The following SLC41A3 variants were observed in gnomAD, a reference collection of about 807,000 sequenced individuals.
The protein encoded by SLC41A3 is SLC41A1-like 2.
SLC41A3 carries 44 observed loss-of-function variants against 45.4 expected under a neutral mutation model. That is an observed-to-expected ratio of 0.97 (90% CI 0.76 to 1.25). The LOEUF (loss-of-function observed/expected upper bound fraction) is 1.25, where lower values mean the gene tolerates loss of function less well. SLC41A3 is among the 50% of genes most tolerant of loss of function. The probability of loss-of-function intolerance (pLI) is 0.00; values close to 1 mark genes in which losing one functional copy is unlikely to be tolerated. For missense variants in SLC41A3, 550 were observed against 600.6 expected, an observed-to-expected ratio of 0.92 and a Z score of 0.88; for synonymous variants, 256 against 252.4, an observed-to-expected ratio of 1.01 and a Z score of -0.13.
rs1437055954 is a variant in SLC41A3 at position 126,026,988 on chromosome 3, A to G, written c.454-509T>C. Among the ~76,000 whole-genome samples, 2 of 152,044 alleles carry G rather than the reference A, an allele frequency of 1.3e-5. No individual in the cohort carries two copies. The highest frequency in any genetic ancestry group is 4.8e-5 in the African/African-American group (2 of 41,394). On this transcript the variant is annotated intron_variant, in intron 4 of 10. Coordinates refer to ENST00000360370, the MANE Select transcript of SLC41A3 (RefSeq NM_017836.4). The surrounding 1 kb of genome is among the most constrained non-coding windows in gnomAD (Gnocchi z 4.2). ...TGTTCCCATCTCTGTCCTGCCAAACACACACCACAGCCTGCGCCAGGAGCT... is the reference window on the plus strand; with the variant it reads ...TGTTCCCATCTCTGTCCTGCCAAACGCACACCACAGCCTGCGCCAGGAGCT...
intron 3 of SLC41A3, among the ~76,000 whole-genome samples, chr3:126,039,036 G>C (rs1942403409): frequency 6.6e-6 from 1 of 152,146 alleles, no homozygotes; most frequent in Non-Finnish European, 1.5e-5. Context: ...GTGACACACT[G>C]GCTCCCCTTC....
intron 6 of SLC41A3, among the ~76,000 whole-genome samples, chr3:126,018,025 G>A (rs1291344519): frequency 1.3e-5 from 2 of 152,160 alleles, no homozygotes; most frequent in African/African-American, 4.8e-5. Flanking sequence ...CCCAGGGCCT[G>A]CCTCATGCTT....
chr3:126,097,270 A>G (rs1055767732), intron 1 of SLC41A3, among the ~76,000 whole-genome samples: 2 of 152,100 alleles, frequency 1.3e-5, no homozygotes, highest in Non-Finnish European at 2.9e-5. Context: ...GTGCCCCCGG[A>G]AGATCATACT....
At chr3:126,091,993 CA>C (rs2108131445) in intron 1 of SLC41A3, among the ~76,000 whole-genome samples, 2 of 152,276 alleles carry the variant, frequency 1.3e-5, no homozygotes, top group African/African-American at 4.8e-5. Context: ...ACTACTTTTT[CA>C]GGTTAATTTC....
chr3:126,099,390 T>G (rs939325094), intron 1 of SLC41A3, among the ~76,000 whole-genome samples: 4 of 152,212 alleles, frequency 2.6e-5, no homozygotes, highest in Non-Finnish European at 5.9e-5. Flanking sequence ...GGTAATATGA[T>G]CTGTGAATTT....
chr3:126,047,367 A>G (rs1273384555), intron 3 of SLC41A3, among the ~76,000 whole-genome samples: 1 of 152,198 alleles, frequency 6.6e-6, no homozygotes, highest in Non-Finnish European at 1.5e-5. Flanking sequence ...CAAACAAACA[A>G]ACAAACAAGA....
chr3:126,055,670 G>A (rs1943609718), intron 2 of SLC41A3, among the ~76,000 whole-genome samples: 1 of 152,128 alleles, frequency 6.6e-6, no homozygotes, highest in Non-Finnish European at 1.5e-5. Flanking sequence ...TTTCTAAACT[G>A]ACTCTACGAA....
intron 3 of SLC41A3, 149 bp from the exon 4 acceptor site, chr3:126,033,827 C>G (rs562593294): frequency 6.4e-6 from 5 of 782,090 alleles, no homozygotes; most frequent in South Asian, 1.8e-5. Context: ...GCTCTCCAAA[C>G]AGCGACCTGG....
At chr3:126,017,503 T>G (rs1940425759) in intron 6 of SLC41A3, among the ~76,000 whole-genome samples, 1 of 152,228 alleles carries the variant, frequency 6.6e-6, no homozygotes, top group African/African-American at 2.4e-5. Flanking sequence ...GGGCAGGTGC[T>G]GGATCAGTCA....
chr3:126,045,484 C>G (rs1259965882), intron 3 of SLC41A3, among the ~76,000 whole-genome samples: 1 of 151,728 alleles, frequency 6.6e-6, no homozygotes, highest in Non-Finnish European at 1.5e-5. Flanking sequence ...AAAAGGAATA[C>G]AAGAAAGGAA....
chr3:126,013,548 G>A (rs536671758), intron 8 of SLC41A3, among the ~76,000 whole-genome samples: 6 of 141,918 alleles, frequency 4.2e-5, no homozygotes, highest in Non-Finnish European at 6.1e-5. Context: ...GGGTGACAGA[G>A]TAAGACTCTG....
chr3:126,028,862 T>C (rs572110384), intron 4 of SLC41A3, among the ~76,000 whole-genome samples: 1 of 152,218 alleles, frequency 6.6e-6, no homozygotes, highest in African/African-American at 2.4e-5. Flanking sequence ...AGGAGATTAT[T>C]TGGGAGCTTT....
At chr3:126,021,797 C>T (rs1940907951) in intron 6 of SLC41A3, among the ~76,000 whole-genome samples, 1 of 152,126 alleles carries the variant, frequency 6.6e-6, no homozygotes, top group South Asian at 2.1e-4. Context: ...GATTCAAGTG[C>T]CCTGAATATA....
chr3:126,070,872 C>G (rs1370752942), intron 1 of SLC41A3, among the ~76,000 whole-genome samples: 1 of 151,506 alleles, frequency 6.6e-6, no homozygotes, highest in Non-Finnish European at 1.5e-5. Context: ...TTGTTAGTAA[C>G]TCTTTTTACT....
chr3:126,092,426 A>G (rs1263501903), intron 1 of SLC41A3: 4 of 152,254 alleles, frequency 2.6e-5, no homozygotes, highest in Non-Finnish European at 1.5e-5. Flanking sequence ...TATAGAAACA[A>G]TGCTAATGAC....
At chr3:126,049,499 G>C (rs571236336) in intron 3 of SLC41A3, among the ~76,000 whole-genome samples, 2 of 152,222 alleles carry the variant, frequency 1.3e-5, no homozygotes, top group East Asian at 3.9e-4. Context: ...AAAAAATGCA[G>C]TTAAACACTA....
At chr3:126,043,822 AAAAAAAC>A (rs142762846) in intron 3 of SLC41A3, among the ~76,000 whole-genome samples, 80,690 of 136,398 alleles carry the variant, frequency 0.59, 24,563 homozygotes, top group Non-Finnish European at 0.67. Flanking sequence ...ACAAAAAAAC[AAAAAAAC>A]AAAAAAAAAA....
rs896542936 is a variant in SLC41A3, at chr3:126,063,960, G to A, written c.273+3987C>T. Among the ~76,000 whole-genome samples, 10 of 64,348 alleles carry A rather than the reference G, an allele frequency of 1.6e-4. 1 individual carries two copies. Among genetic ancestry groups the A allele is most frequent in the African/African-American group, 4.7e-4 (9 of 19,302 alleles). 42.2% of individuals were successfully genotyped at this position (64,348 alleles called of 152,430 possible). A position where few individuals can be genotyped will look rare whatever the true frequency, so the allele number is the denominator to read the frequency against. ...TTAAGCCAGATCCAACCCCCCCCCGGGGACACACACTCCCCATACCCAGGC... is the reference window on the plus strand; with the variant it reads ...TTAAGCCAGATCCAACCCCCCCCCGAGGACACACACTCCCCATACCCAGGC... On this transcript the variant is annotated intron_variant, in intron 2 of 10. Transcript: ENST00000360370.
At chr3:126,056,578 G>A (rs751235861) in intron 2 of SLC41A3, 1 of 1,607,294 alleles carries the variant, frequency 6.2e-7, no homozygotes, top group African/African-American at 1.3e-5. Context: ...CACGATCCCA[G>A]GAGCACGAAG....
Sources: allele counts gnomAD v4.1 joint callset (sites outside exome capture counted in the v4.1 genomes callset), GRCh38; gene constraint gnomAD v4.1.1; non-coding constraint Gnocchi (gnomAD v3.1); transcripts MANE v1.5; gene names NCBI Gene and HGNC (gene_info 2026-07-23, HGNC 2026-07-21).